Variants in SUMF1 observed in about 807,000 individuals in gnomAD.
The protein encoded by SUMF1 is sulfatase modifying factor 1, also known as formylglycine-generating enzyme.
A neutral mutation model predicts 47.6 loss-of-function variants in SUMF1; 48 were observed. The ratio of observed to expected loss-of-function variants is 1.01; its 90% confidence interval spans 0.80 to 1.28. The LOEUF (loss-of-function observed/expected upper bound fraction) is 1.28. SUMF1 is among the 50% of genes most tolerant of loss of function. The pLI is 0.00. For synonymous variants in SUMF1, 230 were observed against 192.1 expected, an observed-to-expected ratio of 1.20 and a Z score of -1.63; for missense variants, 571 against 485.4, an observed-to-expected ratio of 1.18 and a Z score of -1.66.
At chr3:4,247,393 T>C (rs576066428) in intron 8 of SUMF1, among the ~76,000 whole-genome samples, 100 of 152,338 alleles carry the variant, frequency 6.6e-4, no homozygotes, top group African/African-American at 2.3e-3. Flanking sequence ...ATATTACCAA[T>C]AAACATTTCT....
chr3:4,282,959 G>A (rs1697558518), intron 8 of SUMF1, among the ~76,000 whole-genome samples: 1 of 152,108 alleles, frequency 6.6e-6, no homozygotes, highest in East Asian at 1.9e-4. Context: ...CTGTAATCAT[G>A]TACTACACTT....
intron 5 of SUMF1, 62 bp from the exon 6 acceptor site, chr3:4,417,304 G>C: frequency 7.4e-7 from 1 of 1,359,328 alleles, no homozygotes; most frequent in Non-Finnish European, 1.1e-6. Flanking sequence ...TGAAAGTCAA[G>C]AGAAGGGATG....
At chr3:4,453,214 C>T (rs777865860) in intron 1 of SUMF1, among the ~76,000 whole-genome samples, 165 bp from the exon 2 acceptor site, 3 of 152,172 alleles carry the variant, frequency 2.0e-5, no homozygotes, top group Admixed American at 6.5e-5. Context: ...GAAGGTGAAT[C>T]ACGAGTCTCA....
At chr3:4,301,073 T>C (rs1361229542) in intron 8 of SUMF1, among the ~76,000 whole-genome samples, 1 of 152,200 alleles carries the variant, frequency 6.6e-6, no homozygotes, top group African/African-American at 2.4e-5. Flanking sequence ...TTACATTAAA[T>C]AGTTGCAGGG....
intron 8 of SUMF1, among the ~76,000 whole-genome samples, chr3:4,236,397 C>G (rs1171790221): frequency 6.6e-6 from 1 of 151,866 alleles, no homozygotes; most frequent in Non-Finnish European, 1.5e-5. Flanking sequence ...GAGAAATGGT[C>G]AAAGATAAAT....
At chr3:4,385,457 G>A (rs1229387222) in intron 7 of SUMF1, among the ~76,000 whole-genome samples, 2 of 152,066 alleles carry the variant, frequency 1.3e-5, no homozygotes, top group Non-Finnish European at 2.9e-5. Context: ...TCTTCTGCAC[G>A]TGTTCTAATT....
chr3:4,211,255 CCTGA>C (rs1456342129), intron 8 of SUMF1, among the ~76,000 whole-genome samples: 1 of 111,048 alleles, frequency 9.0e-6, no homozygotes, highest in African/African-American at 3.4e-5. Flanking sequence ...TCTAGAGAAC[CCTGA>C]CTAATATACC....
chr3:4,436,532 A>G (rs1265441435), intron 3 of SUMF1, among the ~76,000 whole-genome samples: 1 of 152,132 alleles, frequency 6.6e-6, no homozygotes, highest in Non-Finnish European at 1.5e-5. Context: ...TCAGAGGAAA[A>G]TAAGTGAGAA....
chr3:4,162,004 G>A (rs1264400166), intron 8 of SUMF1, among the ~76,000 whole-genome samples: 1 of 152,104 alleles, frequency 6.6e-6, no homozygotes, highest in African/African-American at 2.4e-5. Flanking sequence ...GGGCCCAAGG[G>A]CTCTTTAGTC....
At chr3:4,457,980 C>T (rs2079708290) in intron 1 of SUMF1, among the ~76,000 whole-genome samples, 1 of 152,084 alleles carries the variant, frequency 6.6e-6, no homozygotes, top group Non-Finnish European at 1.5e-5. Flanking sequence ...TCTTTGCAAA[C>T]CATGCATCTT....
intron 8 of SUMF1, chr3:4,229,297 G>C: frequency 2.5e-6 from 1 of 396,666 alleles, no homozygotes; most frequent in Non-Finnish European, 5.0e-6. Flanking sequence ...AACTAGGTGT[G>C]TATGTTCCAT....
At chr3:4,313,155 G>T in intron 8 of SUMF1, 1 of 1,614,098 alleles carries the variant, frequency 6.2e-7, no homozygotes, top group Non-Finnish European at 8.5e-7. Flanking sequence ...AAGGTCTACA[G>T]TTCCACTTCC....
chr3:4,072,303 T>A (rs1327796710), intron 8 of SUMF1, among the ~76,000 whole-genome samples: 1 of 151,892 alleles, frequency 6.6e-6, no homozygotes, highest in African/African-American at 2.4e-5. Flanking sequence ...AAAAAGGACA[T>A]CCACACCAAA....
intron 3 of SUMF1, among the ~76,000 whole-genome samples, chr3:4,428,359 CT>C (rs58545153): frequency 1.3e-5 from 2 of 148,922 alleles, no homozygotes; most frequent in Non-Finnish European, 3.0e-5. Flanking sequence ...CTTCTTGTGC[CT>C]TTTTTTTTCT....
intron 3 of SUMF1, among the ~76,000 whole-genome samples, chr3:4,437,890 G>C (rs1240659813): frequency 6.6e-6 from 1 of 152,120 alleles, no homozygotes; most frequent in Non-Finnish European, 1.5e-5. Context: ...AGTGAGCTGA[G>C]ATCGTGCCAC....
At chr3:4,091,887 T>TAAAAA (rs56037759) in intron 8 of SUMF1, among the ~76,000 whole-genome samples, 1 of 143,318 alleles carries the variant, frequency 7.0e-6, no homozygotes, top group Non-Finnish European at 1.5e-5. Context: ...GTGTGCAATT[T>TAAAAA]AAAAAAAAAA....
At chr3:4,367,108 G>A (rs1467268652) in intron 8 of SUMF1, among the ~76,000 whole-genome samples, 1 of 152,030 alleles carries the variant, frequency 6.6e-6, no homozygotes, top group Non-Finnish European at 1.5e-5. Flanking sequence ...CCGGCCGTGT[G>A]AGGTGTCAGT....
chr3:4,282,604 A>G (rs575798171), intron 8 of SUMF1, among the ~76,000 whole-genome samples: 1 of 152,314 alleles, frequency 6.6e-6, no homozygotes, highest in South Asian at 2.1e-4. Flanking sequence ...TTTACACTAA[A>G]TGGCACTTTC....
At chr3:4,270,250 G>A (rs1697276313) in intron 8 of SUMF1, among the ~76,000 whole-genome samples, 1 of 152,062 alleles carries the variant, frequency 6.6e-6, no homozygotes. Flanking sequence ...ACTGAAGTAA[G>A]CACTGAAGTA....
Sources: allele counts gnomAD v4.1 joint callset (sites outside exome capture counted in the v4.1 genomes callset), GRCh38; gene constraint gnomAD v4.1.1; transcripts MANE v1.5; gene names NCBI Gene and HGNC (gene_info 2026-07-23, HGNC 2026-07-21).